Variants in WDR7 observed in about 807,000 individuals in gnomAD.
WDR7 encodes WD repeat-containing protein 7.
WDR7 carries 46 observed loss-of-function variants against 169.4 expected under a neutral mutation model. The observed-to-expected ratio is 0.27, with a 90% CI of 0.21 to 0.35. The LOEUF is 0.35. WDR7 is among the 10% of genes least tolerant of loss of function. The pLI, the probability that WDR7 is intolerant of heterozygous loss-of-function variation, is 1.00. For missense variants in WDR7, 1,534 were observed against 1,859.3 expected, an observed-to-expected ratio of 0.83 and a Z score of 3.22; for synonymous variants, 612 against 666.8, an observed-to-expected ratio of 0.92 and a Z score of 1.27.
intron 14 of WDR7, 40 bp from the exon 15 acceptor site, chr18:56,756,543 A>C: frequency 6.9e-7 from 1 of 1,441,066 alleles, no homozygotes; most frequent in East Asian, 2.5e-5. Flanking sequence ...GAAATTAAGC[A>C]CTTTTAATTA....
At chr18:57,013,048 G>A (rs527815782) in intron 26 of WDR7, among the ~76,000 whole-genome samples, 1 of 152,300 alleles carries the variant, frequency 6.6e-6, no homozygotes, top group Admixed American at 6.5e-5. Flanking sequence ...CTTTTTGGCA[G>A]CAGGGACCAG....
intron 1 of WDR7, among the ~76,000 whole-genome samples, chr18:56,660,137 G>C (rs1304182555): frequency 3.3e-5 from 5 of 152,172 alleles, no homozygotes. Flanking sequence ...GGTCTGTGTA[G>C]CTATAAAACT....
At chr18:56,844,398 C>A (rs1051953612) in intron 20 of WDR7, among the ~76,000 whole-genome samples, 1 of 152,118 alleles carries the variant, frequency 6.6e-6, no homozygotes, top group Non-Finnish European at 1.5e-5. Context: ...TATACAATTT[C>A]TCAACTTCAT....
chr18:56,845,352 AT>A (rs1333822750), intron 20 of WDR7, among the ~76,000 whole-genome samples: 1 of 152,002 alleles, frequency 6.6e-6, no homozygotes, highest in East Asian at 1.9e-4. Context: ...ATAATATGTT[AT>A]TTTTTAGGAA....
At chr18:56,921,677 A>G (rs961985755) in intron 21 of WDR7, among the ~76,000 whole-genome samples, 1 of 152,176 alleles carries the variant, frequency 6.6e-6, no homozygotes. Flanking sequence ...AAGGAGGTAG[A>G]AAAGGAGAAC....
chr18:56,873,304 A>G (rs2045977542), intron 20 of WDR7, among the ~76,000 whole-genome samples: 1 of 152,224 alleles, frequency 6.6e-6, no homozygotes, highest in South Asian at 2.1e-4. Flanking sequence ...ACAGCTAATT[A>G]AGATTTCATA....
intron 19 of WDR7, among the ~76,000 whole-genome samples, chr18:56,805,360 A>G (rs2044755502): frequency 6.6e-6 from 1 of 152,196 alleles, no homozygotes; most frequent in African/African-American, 2.4e-5. Flanking sequence ...TCGGGCTTTC[A>G]GGATTTCAGA....
chr18:56,921,594 G>A (rs2046721651), intron 21 of WDR7, among the ~76,000 whole-genome samples: 1 of 152,198 alleles, frequency 6.6e-6, no homozygotes, highest in African/African-American at 2.4e-5. Context: ...GTGAGGCCAT[G>A]CTTGACAGAG....
Position 56,758,940 on chromosome 18 carries a change from A to G in WDR7, c.2835A>G (p.Gly945=), listed in dbSNP as rs754291684. ...SPPTSSNIVQ[G]QIKQVAAPVV... ...CAACTTCCAGTAATATTGTGCAAGG[A>G]CAGATTAAACAAGGTAAAATTAAAT... Residue 945 remains glycine, a synonymous_variant, in exon 16 of 28, where the codon GGA becomes GGG. Transcript: ENST00000254442. The G allele has an allele frequency of 6.2e-7, 1 of 1,612,228 alleles. No homozygotes were observed. Among genetic ancestry groups the G allele is most frequent in the Non-Finnish European group, 8.5e-7 (1 of 1,178,952 alleles).
intron 14 of WDR7, among the ~76,000 whole-genome samples, chr18:56,736,177 ACT>A (rs1318325327): frequency 6.6e-6 from 1 of 152,016 alleles, no homozygotes; most frequent in Admixed American, 6.6e-5. Flanking sequence ...TGCCTCTGAA[ACT>A]CTATGTGATC....
intron 19 of WDR7, among the ~76,000 whole-genome samples, chr18:56,805,133 G>C (rs116578510): frequency 6.6e-6 from 1 of 152,044 alleles, no homozygotes; most frequent in Non-Finnish European, 1.5e-5. Flanking sequence ...CTTTGGGTTG[G>C]GTTGGGTTCT....
chr18:56,835,708 A>G (rs2045384452), intron 20 of WDR7, among the ~76,000 whole-genome samples: 1 of 152,208 alleles, frequency 6.6e-6, no homozygotes, highest in Admixed American at 6.5e-5. Flanking sequence ...AAGAATGTAT[A>G]AGTTCTTGAT....
At chr18:56,692,244 A>G (rs1194659354) in intron 9 of WDR7, among the ~76,000 whole-genome samples, 1 of 152,198 alleles carries the variant, frequency 6.6e-6, no homozygotes, top group Non-Finnish European at 1.5e-5. Context: ...AAAATCATGT[A>G]GCATTTTAAA....
chr18:56,811,772 A>G (rs1042111323), intron 19 of WDR7, among the ~76,000 whole-genome samples: 6 of 152,142 alleles, frequency 3.9e-5, no homozygotes, highest in African/African-American at 1.2e-4. Flanking sequence ...ACCTCTGTCT[A>G]AAATCATTTT....
downstream of WDR7, chr18:57,030,809 CA>C (rs1343506559): frequency 6.7e-6 from 1 of 148,582 alleles, no homozygotes; most frequent in Non-Finnish European, 1.5e-5. Flanking sequence ...TCAATACATA[CA>C]AATACCAAAG....
intron 13 of WDR7, among the ~76,000 whole-genome samples, chr18:56,725,747 G>A (rs1465251544): frequency 3.9e-5 from 6 of 152,100 alleles, no homozygotes; most frequent in Non-Finnish European, 1.5e-5. Flanking sequence ...TGTCCTGAAT[G>A]GTATTGCCTA....
At chr18:56,985,167 G>T (rs1038124017) in intron 26 of WDR7, among the ~76,000 whole-genome samples, 4 of 152,072 alleles carry the variant, frequency 2.6e-5, no homozygotes, top group African/African-American at 9.7e-5. Flanking sequence ...TTAGGATTCT[G>T]TCCTGTGTAC....
intron 13 of WDR7, among the ~76,000 whole-genome samples, chr18:56,725,307 A>C (rs2026422142): frequency 6.6e-6 from 1 of 151,018 alleles, no homozygotes. Context: ...CATCCTCTCC[A>C]GCACCTGTTG....
At chr18:56,849,754 A>C (rs2045615758) in intron 20 of WDR7, among the ~76,000 whole-genome samples, 1 of 148,436 alleles carries the variant, frequency 6.7e-6, no homozygotes, top group Admixed American at 6.6e-5. Flanking sequence ...CTTTTTTAAA[A>C]CAAAACAAAA....
Sources: gnomAD v4.1 joint callset for allele counts (sites outside exome capture counted in the v4.1 genomes callset) on GRCh38, gnomAD v4.1.1 for gene constraint, MANE v1.5 for transcripts, NCBI Gene and HGNC (gene_info 2026-07-23, HGNC 2026-07-21) for gene names.